The following ARHGEF26 variants were observed in gnomAD, a reference collection of about 807,000 sequenced individuals.
ARHGEF26 encodes the protein Rho guanine nucleotide exchange factor (GEF) 26.
Under a neutral mutation model 89.4 loss-of-function variants are expected in ARHGEF26, and 59 were observed. That is an observed-to-expected ratio of 0.66 (90% CI 0.54 to 0.82). ARHGEF26 has a LOEUF of 0.82. ARHGEF26 is among the 40% of genes least tolerant of loss of function. ARHGEF26 has a pLI of 0.00. For missense variants in ARHGEF26, 1,234 were observed against 1,085.6 expected, an observed-to-expected ratio of 1.14 and a Z score of -1.92; for synonymous variants, 500 against 428.4, an observed-to-expected ratio of 1.17 and a Z score of -2.06.
intron 12 of ARHGEF26, among the ~76,000 whole-genome samples, chr3:154,250,633 A>T (rs1718083427): frequency 6.6e-6 from 1 of 152,186 alleles, no homozygotes; most frequent in Non-Finnish European, 1.5e-5. Flanking sequence ...TGTGTACAGG[A>T]AGATCTGCCT....
chr3:154,205,764 A>T (rs1714979974), intron 9 of ARHGEF26, among the ~76,000 whole-genome samples: 1 of 152,244 alleles, frequency 6.6e-6, no homozygotes, highest in African/African-American at 2.4e-5. Context: ...GAAAACTAAT[A>T]AGAACTCTAT....
At chr3:154,168,302 C>G (rs1488145304) in intron 6 of ARHGEF26, among the ~76,000 whole-genome samples, 1 of 152,044 alleles carries the variant, frequency 6.6e-6, no homozygotes, top group Non-Finnish European at 1.5e-5. Context: ...AGAGGCTGTA[C>G]ACGTTGGCTC....
chr3:154,130,791 C>G (rs1009383600), intron 4 of ARHGEF26, among the ~76,000 whole-genome samples: 4 of 152,118 alleles, frequency 2.6e-5, no homozygotes, highest in African/African-American at 9.7e-5. Flanking sequence ...TCCATGAGTC[C>G]TTAGGCAATA....
chr3:154,155,761 G>C (rs941982224), intron 6 of ARHGEF26, among the ~76,000 whole-genome samples: 5 of 151,892 alleles, frequency 3.3e-5, no homozygotes, highest in African/African-American at 1.2e-4. Flanking sequence ...AAAGTATAAT[G>C]TAGTTCATGG....
intron 6 of ARHGEF26, among the ~76,000 whole-genome samples, chr3:154,184,662 A>G (rs1713408105): frequency 6.6e-6 from 1 of 151,972 alleles, no homozygotes; most frequent in African/African-American, 2.4e-5. Flanking sequence ...GGTCCTCTTG[A>G]TTTCCCACTA....
chr3:154,224,527 A>G (rs2108258900), intron 10 of ARHGEF26, among the ~76,000 whole-genome samples: 1 of 152,340 alleles, frequency 6.6e-6, no homozygotes, highest in South Asian at 2.1e-4. Flanking sequence ...GTTATACGCA[A>G]TAGCAAGATA....
In ARHGEF26 at chr3:154,248,265, G is replaced by C. The variant is rs60462870; in HGVS notation, c.2301-4851G>C. On this transcript the variant is annotated intron_variant, in intron 12 of 14. Transcript: ENST00000465093. ...AGCTAGAAGCATAATGAATGTGGTTGGTGCTGTCAACCATCCAGACACCAA... is the reference window on the plus strand; with the variant it reads ...AGCTAGAAGCATAATGAATGTGGTTCGTGCTGTCAACCATCCAGACACCAA... 2.7e-3 allele frequency among the ~76,000 whole-genome samples: 409 copies of C among 152,204 alleles called. 3 individuals carry two copies. Among genetic ancestry groups the C allele is most frequent in the African/African-American group, 9.6e-3 (397 of 41,530 alleles).
intron 12 of ARHGEF26, among the ~76,000 whole-genome samples, chr3:154,247,826 T>G (rs564911457): frequency 6.6e-6 from 1 of 152,358 alleles, no homozygotes; most frequent in African/African-American, 2.4e-5. Flanking sequence ...TGTTTGTCCA[T>G]GACAGGCCCT....
At chr3:154,219,035 GACACACATGC>G (rs1407241883) in intron 10 of ARHGEF26, among the ~76,000 whole-genome samples, 1 of 152,136 alleles carries the variant, frequency 6.6e-6, no homozygotes, top group Non-Finnish European at 1.5e-5. Flanking sequence ...CCAAAAACCA[GACACACATGC>G]ACACACATGC....
At chr3:154,254,615 A>G (rs1490053924) in intron 13 of ARHGEF26, 105 bp from the exon 14 acceptor site, 2 of 830,442 alleles carry the variant, frequency 2.4e-6, no homozygotes, top group East Asian at 2.5e-5. Flanking sequence ...GTTTCTCTCA[A>G]TGCTGGCCCT....
At chr3:154,216,233 G>C (rs1715717733) in intron 9 of ARHGEF26, among the ~76,000 whole-genome samples, 1 of 151,526 alleles carries the variant, frequency 6.6e-6, no homozygotes, top group Admixed American at 6.6e-5. Context: ...TCTAATATGG[G>C]CATTTTTTTT....
chr3:154,227,608 A>C (rs1716572865), intron 11 of ARHGEF26, among the ~76,000 whole-genome samples: 1 of 152,200 alleles, frequency 6.6e-6, no homozygotes, highest in Non-Finnish European at 1.5e-5. Flanking sequence ...AGATGGGAGA[A>C]GAATTATAAT....
chr3:154,168,108 A>C (rs1712162514), intron 6 of ARHGEF26, among the ~76,000 whole-genome samples: 1 of 152,122 alleles, frequency 6.6e-6, no homozygotes, highest in Admixed American at 6.5e-5. Context: ...ACTTCCATGG[A>C]ATTTTGGGAT....
At chr3:154,123,125 T>C in intron 2 of ARHGEF26, 50 bp downstream of exon 2, 1 of 1,603,576 alleles carries the variant, frequency 6.2e-7, no homozygotes, top group Non-Finnish European at 8.5e-7. Context: ...GGAAAGTAAA[T>C]GTGTTGGGAG....
chr3:154,240,324 C>G (rs1247842600), intron 11 of ARHGEF26, 46 bp from the exon 12 acceptor site: 2 of 1,453,024 alleles, frequency 1.4e-6, no homozygotes, highest in East Asian at 2.3e-5. Context: ...CAATGTCAGT[C>G]TTATCTGCTG....
intron 6 of ARHGEF26, among the ~76,000 whole-genome samples, chr3:154,183,835 G>A (rs1713330056): frequency 6.6e-6 from 1 of 152,078 alleles, no homozygotes; most frequent in Non-Finnish European, 1.5e-5. Context: ...CCAAGTTACT[G>A]TTGTTTTTGG....
chr3:154,195,468 A>G (rs1714234016), intron 9 of ARHGEF26, among the ~76,000 whole-genome samples: 1 of 152,156 alleles, frequency 6.6e-6, no homozygotes, highest in Admixed American at 6.5e-5. Context: ...ATAGTTGATT[A>G]GGCAAGGGAT....
At chr3:154,121,790 G>C (rs1191880798) in intron 1 of ARHGEF26, among the ~76,000 whole-genome samples, 152 bp from the exon 2 acceptor site, 1 of 152,242 alleles carries the variant, frequency 6.6e-6, no homozygotes, top group Non-Finnish European at 1.5e-5. Flanking sequence ...GCGCACCGCA[G>C]TGGTGCAGTT....
intron 6 of ARHGEF26, among the ~76,000 whole-genome samples, chr3:154,184,020 T>G (rs1464804525): frequency 6.7e-6 from 1 of 150,258 alleles, no homozygotes; most frequent in East Asian, 2.0e-4. Context: ...TCGCCCAGGC[T>G]AGAGTGCAGT....
Sources: allele counts gnomAD v4.1 joint callset (sites outside exome capture counted in the v4.1 genomes callset), GRCh38; gene constraint gnomAD v4.1.1; transcripts MANE v1.5; gene names NCBI Gene and HGNC (gene_info 2026-07-23, HGNC 2026-07-21).